EHD3: variants seen among roughly 807,000 people sequenced by gnomAD.
The protein encoded by EHD3 is EH domain containing 3, also known as EH domain-containing protein 3.
EHD3 carries 17 observed loss-of-function variants against 43.0 expected under a neutral mutation model. The ratio of observed to expected loss-of-function variants is 0.40; its 90% confidence interval spans 0.27 to 0.59. The LOEUF (loss-of-function observed/expected upper bound fraction) is 0.59. Among genes scored for constraint, EHD3 ranks in the 20% least tolerant of loss-of-function variants. The pLI, the probability that EHD3 is intolerant of heterozygous loss-of-function variation, is 0.49. For missense variants in EHD3, 594 were observed against 705.6 expected, an observed-to-expected ratio of 0.84 and a Z score of 1.79; for synonymous variants, 313 against 289.5, an observed-to-expected ratio of 1.08 and a Z score of -0.82.
At chr2:31,238,039 G>A (rs1683354459) in intron 1 of EHD3, among the ~76,000 whole-genome samples, 1 of 151,892 alleles carries the variant, frequency 6.6e-6, no homozygotes, top group African/African-American at 2.4e-5. Flanking sequence ...TCCCAGAAGT[G>A]GAATTGCTAG....
At chr2:31,255,377 G>A (rs931808505) in intron 3 of EHD3, among the ~76,000 whole-genome samples, 47 of 152,318 alleles carry the variant, frequency 3.1e-4, no homozygotes, top group African/African-American at 1.1e-3. Flanking sequence ...CGCAGCTGCT[G>A]AGGCAGTCTG....
At chr2:31,249,087 A>G (rs552954004) in intron 2 of EHD3, among the ~76,000 whole-genome samples, 5 of 152,212 alleles carry the variant, frequency 3.3e-5, no homozygotes, top group Admixed American at 2.6e-4. Context: ...TGAAGACCCA[A>G]TGTCGCTATG....
intron 5 of EHD3, among the ~76,000 whole-genome samples, chr2:31,265,875 A>G (rs1239236712): frequency 6.6e-6 from 1 of 152,186 alleles, no homozygotes. Context: ...ATGACATTGA[A>G]GGGGATTGAA....
At position 31,235,210 on chromosome 2, in the gene EHD3, C is replaced by T. The variant is rs566893779; in HGVS notation, c.227+362C>T. On this transcript the variant is annotated intron_variant, in intron 1 of 5. Coordinates refer to ENST00000322054, the MANE Select transcript of EHD3 (RefSeq NM_014600.3). ...GCCTTATGTTGGTGGGGATGTCTTA[C>T]GTCTTCACTTTTTAGCAACACATCA... is the stretch of plus-strand genomic sequence containing the variant. 1.8e-4 allele frequency among the ~76,000 whole-genome samples: 28 copies of T among 152,212 alleles called. No individual in the cohort carries two copies. In the South Asian group the frequency reaches 2.3e-3, roughly 12 times the overall value.
chr2:31,245,880 C>T (rs1198240511), intron 2 of EHD3, among the ~76,000 whole-genome samples: 1 of 151,588 alleles, frequency 6.6e-6, no homozygotes, highest in African/African-American at 2.4e-5. Context: ...CGTGCCTGGC[C>T]CCAAATAATA....
At chr2:31,243,443 TCTTTCTTTCTTTCTTTC>T (rs1683458523) in intron 1 of EHD3, among the ~76,000 whole-genome samples, 2 of 95,588 alleles carry the variant, frequency 2.1e-5, no homozygotes, top group African/African-American at 4.7e-5. Context: ...TTTCTTTCTT[TCTTTCTTTCTTTCTTTC>T]TTTTTTTTTT....
chr2:31,258,678 CAG>C (rs1168156748), intron 3 of EHD3, among the ~76,000 whole-genome samples: 4 of 152,206 alleles, frequency 2.6e-5, no homozygotes, highest in African/African-American at 9.7e-5. Flanking sequence ...TGACCCTACA[CAG>C]AGTCATCGTG....
At position 31,258,428 on chromosome 2, in the gene EHD3, C is replaced by T. The variant is rs149601585; in HGVS notation, c.503-2082C>T. 5.8e-4 allele frequency among the ~76,000 whole-genome samples: 88 copies of T among 152,256 alleles called. 1 individual carries two copies. The highest frequency in any genetic ancestry group is 1.8e-3 in the African/African-American group (74 of 41,536). On this transcript the variant is annotated intron_variant, in intron 3 of 5. Transcript: ENST00000322054. ...GGGAAAGGCTTTTTAAACCTAGCTC[C>T]GTTGGCTCCATTCATCCTCATCCCC...
intron 2 of EHD3, among the ~76,000 whole-genome samples, chr2:31,245,553 A>ATATATTT (rs1446415610): frequency 5.4e-4 from 19 of 35,072 alleles, no homozygotes; most frequent in African/African-American, 1.7e-3. Flanking sequence ...ATATATATAT[A>ATATATTT]TTTTTTTTTT....
intron 2 of EHD3, among the ~76,000 whole-genome samples, chr2:31,246,500 G>A (rs1279186670): frequency 6.6e-6 from 1 of 152,174 alleles, no homozygotes; most frequent in Admixed American, 6.5e-5. Context: ...CATCACAAGA[G>A]AAGAGTACAG....
chr2:31,263,456 G>A (rs950761414), intron 5 of EHD3, among the ~76,000 whole-genome samples: 7 of 152,172 alleles, frequency 4.6e-5, no homozygotes, highest in South Asian at 2.1e-4. Flanking sequence ...GGTGTCCATC[G>A]TAGGGTAATG....
chr2:31,251,575 A>C (rs1364295083), intron 3 of EHD3, among the ~76,000 whole-genome samples: 1 of 152,190 alleles, frequency 6.6e-6, no homozygotes, highest in Non-Finnish European at 1.5e-5. Flanking sequence ...CTGTGTTAGC[A>C]GTTCCTGTAA....
chr2:31,245,734 T>TG (rs1310196404), intron 2 of EHD3, among the ~76,000 whole-genome samples: 86 of 136,178 alleles, frequency 6.3e-4, no homozygotes, highest in African/African-American at 2.3e-3. Flanking sequence ...ACTAATTTTG[T>TG]GTTTTTTTTT....
Position 31,260,921 on chromosome 2 carries a change from A to ATTT in EHD3, c.914_915insTTT (p.Lys305delinsAsnLeu). The ATTT allele has an allele frequency of 6.3e-7, 1 of 1,598,176 alleles. No individual in the cohort carries two copies. The highest frequency in any genetic ancestry group is 8.5e-7 in the Non-Finnish European group (1 of 1,171,948). On this transcript the variant is annotated protein_altering_variant and splice_region_variant, in exon 4 of 6. Coordinates refer to ENST00000322054, the MANE Select transcript of EHD3 (RefSeq NM_014600.3). The surrounding 1 kb of genome is among the most constrained non-coding windows in gnomAD (Gnocchi z 4.6). ...CTCATCAAAAGGGCCAGGCTGGCCA[A>ATTT]GGTGAGGCAGCCCCCTGGGAGGTGG...
intron 1 of EHD3, among the ~76,000 whole-genome samples, chr2:31,236,546 T>A (rs531485195): frequency 3.6e-4 from 55 of 152,136 alleles, no homozygotes; most frequent in Non-Finnish European, 6.9e-4. Context: ...GCCTGCAGAG[T>A]TTCCTTTGTG....
rs1211989130 is a variant in EHD3 at position 31,261,615 on chromosome 2, A to T, written c.982A>T (p.Lys328Ter). ...CTCGGTGTTCGGGAAGGACAACAAG[A>T]AGAAGGAGCTGGTCAACAACCTGGC... The part of the protein sequence containing the change: ...MPSVFGKDNK[K>*]KELVNNLAEI... The change falls in exon 5 of 6, where the codon AAG (lysine) becomes TAG (stop). Residue 328 changes from lysine to a stop codon, truncating the protein, a stop_gained. Coordinates refer to ENST00000322054, the MANE Select transcript of EHD3 (RefSeq NM_014600.3). LOFTEE classifies it high-confidence loss of function. The T allele has an allele frequency of 6.2e-7, 1 of 1,614,034 alleles. No homozygotes were observed. The highest frequency in any genetic ancestry group is 8.5e-7 in the Non-Finnish European group (1 of 1,180,024).
intron 3 of EHD3, among the ~76,000 whole-genome samples, chr2:31,257,970 AGTTTCCCTATCT>A (rs1683783379): frequency 6.6e-6 from 1 of 152,178 alleles, no homozygotes; most frequent in Admixed American, 6.5e-5. Flanking sequence ...CCTGAGCCTC[AGTTTCCCTATCT>A]GTAAATCAGG....
rs756973373 is a variant in EHD3 at position 31,234,810 on chromosome 2, G to T, written c.189G>T (p.Leu63=). 4.3e-6 allele frequency: 7 copies of T among 1,614,156 alleles called. No individual in the cohort carries two copies. The highest frequency in any genetic ancestry group is 5.9e-6 in the Non-Finnish European group (7 of 1,180,028). Residue 63 remains leucine (L), a synonymous_variant, in exon 1 of 6, where the codon CTG becomes CTT. Coordinates refer to ENST00000322054, the MANE Select transcript of EHD3 (RefSeq NM_014600.3). The part of the protein sequence containing the change: ...ADFDNKPMVL[L]VGQYSTGKTT... ...TCGACAACAAGCCCATGGTTCTGCT[G>T]GTGGGCCAGTACTCCACTGGGAAGA...
chr2:31,247,665 G>C (rs1226524770), intron 2 of EHD3, among the ~76,000 whole-genome samples: 1 of 152,164 alleles, frequency 6.6e-6, no homozygotes, highest in African/African-American at 2.4e-5. Context: ...AGCGGCCTTG[G>C]GCTCTATTCT....
Sources: allele counts gnomAD v4.1 joint callset (sites outside exome capture counted in the v4.1 genomes callset), GRCh38; gene constraint gnomAD v4.1.1; non-coding constraint Gnocchi (gnomAD v3.1); transcripts MANE v1.5; gene names NCBI Gene and HGNC (gene_info 2026-07-23, HGNC 2026-07-21).